PRKD1: variants seen among roughly 807,000 people sequenced by gnomAD.
PRKD1 encodes the protein serine/threonine-protein kinase D1.
PRKD1 carries 63 observed loss-of-function variants against 95.9 expected under a neutral mutation model. The ratio of observed to expected loss-of-function variants is 0.66; its 90% CI spans 0.54 to 0.81. The LOEUF is 0.81. Ranked by LOEUF, PRKD1 falls within the 30% of genes least tolerant of loss-of-function variation. The pLI, the probability that PRKD1 is intolerant of heterozygous loss-of-function variation, is 0.00. For missense variants in PRKD1, 1,048 were observed against 1,165.3 expected, an observed-to-expected ratio of 0.90 and a Z score of 1.47; for synonymous variants, 425 against 423.1, an observed-to-expected ratio of 1.00 and a Z score of -0.05.
chr14:29,789,488 T>G (rs1889437117), intron 1 of PRKD1, among the ~76,000 whole-genome samples: 1 of 152,170 alleles, frequency 6.6e-6, no homozygotes, highest in Admixed American at 6.5e-5. Flanking sequence ...AGTGTGTTTA[T>G]AATTTCTTTG....
chr14:29,909,723 G>T (rs1894635332), intron 1 of PRKD1, among the ~76,000 whole-genome samples: 1 of 152,164 alleles, frequency 6.6e-6, no homozygotes, highest in East Asian at 1.9e-4. Flanking sequence ...CTCAAGGTTT[G>T]TAAACACACC....
Position 29,630,861 on chromosome 14 carries a change from CTG to C in PRKD1, c.1551_1552del (p.Asn517LysfsTer69). ...TGCACCAACGCCACTGGTGAGAACA[CTG>C]TTATTTGGTGATGGGCTGGAAGGAT... is the stretch of plus-strand genomic sequence containing the variant. On this transcript the variant is annotated frameshift_variant, in exon 10 of 18. Coordinates refer to ENST00000331968, the MANE Select transcript of PRKD1 (RefSeq NM_002742.3). LOFTEE classifies it high-confidence loss of function. 1 of 1,614,118 alleles carries C rather than the reference CTG, an allele frequency of 6.2e-7. No individual in the cohort carries two copies. Among genetic ancestry groups the C allele is most frequent in the Non-Finnish European group, 8.5e-7 (1 of 1,179,986 alleles).
intron 1 of PRKD1, among the ~76,000 whole-genome samples, chr14:29,906,208 T>G (rs577580138): frequency 6.6e-5 from 10 of 152,164 alleles, no homozygotes; most frequent in African/African-American, 2.4e-4. Context: ...ATAAAAATGA[T>G]TTTTTAAAGT....
intron 1 of PRKD1, among the ~76,000 whole-genome samples, chr14:29,890,126 G>A (rs1276867205): frequency 1.3e-5 from 2 of 152,028 alleles, no homozygotes; most frequent in Admixed American, 1.3e-4. Flanking sequence ...TAATACTTTT[G>A]CCAGCATTTT....
chr14:29,676,415 C>T (rs1298678048), intron 2 of PRKD1, among the ~76,000 whole-genome samples: 1 of 151,800 alleles, frequency 6.6e-6, no homozygotes, highest in Non-Finnish European at 1.5e-5. Context: ...AGTGCAGTGG[C>T]GAGATCTCGG....
chr14:29,752,299 A>G (rs2139463031), intron 1 of PRKD1, among the ~76,000 whole-genome samples: 1 of 152,266 alleles, frequency 6.6e-6, no homozygotes, highest in East Asian at 1.9e-4. Flanking sequence ...TATTCCCTCA[A>G]GGGCCAGTAT....
intron 2 of PRKD1, among the ~76,000 whole-genome samples, chr14:29,724,523 G>A (rs1489891766): frequency 6.6e-6 from 1 of 152,124 alleles, no homozygotes; most frequent in Non-Finnish European, 1.5e-5. Flanking sequence ...ATGAAGTTGT[G>A]GCAATCCCAG....
chr14:29,912,539 T>G (rs1460195782), intron 1 of PRKD1, among the ~76,000 whole-genome samples: 2 of 152,182 alleles, frequency 1.3e-5, no homozygotes, highest in African/African-American at 4.8e-5. Context: ...TAGGTATAAC[T>G]CACATATCTG....
chr14:29,919,045 G>T (rs138436815), intron 1 of PRKD1, among the ~76,000 whole-genome samples: 216 of 152,322 alleles, frequency 1.4e-3, no homozygotes, highest in African/African-American at 4.8e-3. Context: ...TCCTGAAATT[G>T]TGCCTAAAAA....
intron 2 of PRKD1, among the ~76,000 whole-genome samples, chr14:29,666,997 A>G (rs994373534): frequency 6.6e-6 from 1 of 152,148 alleles, no homozygotes. Flanking sequence ...TTTTTATTGT[A>G]TTATAAAAGT....
At chr14:29,641,062 A>T (rs1880726679) in intron 4 of PRKD1, among the ~76,000 whole-genome samples, 1 of 152,226 alleles carries the variant, frequency 6.6e-6, no homozygotes, top group Non-Finnish European at 1.5e-5. Context: ...TTCAAGGGCA[A>T]GATTATGTAA....
At chr14:29,602,152 G>A (rs141080577) in intron 13 of PRKD1, among the ~76,000 whole-genome samples, 212 of 152,300 alleles carry the variant, frequency 1.4e-3, no homozygotes, top group African/African-American at 4.8e-3. Context: ...GAAAGGAGCA[G>A]AGCAACAGAA....
chr14:29,819,166 G>A (rs761464975), intron 1 of PRKD1, among the ~76,000 whole-genome samples: 1 of 152,142 alleles, frequency 6.6e-6, no homozygotes, highest in African/African-American at 2.4e-5. Context: ...TCTAAAGGAA[G>A]TTATTGGCTC....
chr14:29,858,517 T>C (rs1446893061), intron 1 of PRKD1, among the ~76,000 whole-genome samples: 4 of 152,226 alleles, frequency 2.6e-5, no homozygotes, highest in Non-Finnish European at 4.4e-5. Context: ...AGAACATGAC[T>C]ACGTTCTGAG....
chr14:29,615,868 A>G (rs542030979), intron 13 of PRKD1, among the ~76,000 whole-genome samples: 1 of 152,276 alleles, frequency 6.6e-6, no homozygotes, highest in African/African-American at 2.4e-5. Flanking sequence ...ACAAAGGGAG[A>G]GAGTATCTTG....
intron 6 of PRKD1, among the ~76,000 whole-genome samples, chr14:29,636,795 C>T (rs1363518662): frequency 1.3e-5 from 2 of 152,010 alleles, no homozygotes; most frequent in African/African-American, 2.4e-5. Flanking sequence ...GAAGGGACCC[C>T]GTATGTGTTA....
chr14:29,859,723 A>G (rs775168878), intron 1 of PRKD1, among the ~76,000 whole-genome samples: 23 of 152,164 alleles, frequency 1.5e-4, no homozygotes, highest in Non-Finnish European at 3.2e-4. Flanking sequence ...TAATCTCATT[A>G]TAAGAATTCG....
rs1879635135 is a variant in PRKD1, at chr14:29,626,533, A to C, written c.1749T>G (p.Ile583Met). ...CAGAACCCAGTACTTCATCAGGAAAAATCTGATATACTGTGCTGATGTCCT... is the reference window on the plus strand; with the variant it reads ...CAGAACCCAGTACTTCATCAGGAAACATCTGATATACTGTGCTGATGTCCT... ...ENVDISTVYQ[I>M]FPDEVLGSGQ... is the part of the protein sequence containing the mutation. Residue 583 changes from isoleucine to methionine, a missense_variant, in exon 12 of 18, where the codon ATT becomes ATG. Physicochemically the swap from Ile to Met is conservative, Grantham distance 10. Around this residue, in one of 3 missense-constraint regions of PRKD1, gnomAD observed 739 missense variants for 861.9 expected, o/e 0.86. Transcript: ENST00000331968. 6.2e-7 allele frequency: 1 copy of C among 1,612,664 alleles called. No individual in the cohort carries two copies. The highest frequency in any genetic ancestry group is 1.1e-5 in the South Asian group (1 of 91,008).
intron 2 of PRKD1, among the ~76,000 whole-genome samples, chr14:29,706,299 T>A (rs1885086879): frequency 6.6e-6 from 1 of 152,154 alleles, no homozygotes; most frequent in Non-Finnish European, 1.5e-5. Flanking sequence ...GGTTTCCCCA[T>A]TTCTTTTTAA....
Sources: allele counts gnomAD v4.1 joint callset (sites outside exome capture counted in the v4.1 genomes callset), GRCh38; gene constraint gnomAD v4.1.1; regional missense constraint gnomAD v4.1.1; transcripts MANE v1.5; gene names NCBI Gene and HGNC (gene_info 2026-07-23, HGNC 2026-07-21).